RPH3AL: variants seen among roughly 807,000 people sequenced by gnomAD.
The protein encoded by RPH3AL is rabphilin 3A like (without C2 domains).
RPH3AL carries 38 observed loss-of-function variants against 43.1 expected under a neutral mutation model. That is an observed-to-expected ratio of 0.88 (90% CI 0.68 to 1.15). The LOEUF is 1.15. Ranked by LOEUF, RPH3AL falls within the 50% of genes most tolerant of loss-of-function variation. RPH3AL has a pLI of 0.00. For missense variants in RPH3AL, 462 were observed against 423.2 expected (o/e 1.09, Z -0.81); for synonymous variants, 189 against 176.3 (o/e 1.07, Z -0.57).
In RPH3AL at chr17:344,522, TATC is replaced by T. The variant is rs1470370743; in HGVS notation, c.-213+8187_-213+8189del. On this transcript the variant is annotated intron_variant, in intron 1 of 9. Transcript: ENST00000331302. ...TCTGTGTCACCACCACCATCATCACTATCATCATCACCATCATCATGATCACCA... is the reference window on the plus strand; with the variant it reads ...TCTGTGTCACCACCACCATCATCACTATCATCACCATCATCATGATCACCA... Among the ~76,000 whole-genome samples the T allele has an allele frequency of 8.5e-5, 11 of 130,046 alleles. 1 individual carries two copies. The highest frequency in any genetic ancestry group is 5.1e-4 in the East Asian group (2 of 3,890). The allele number at this position is 130,046 out of a possible 152,430, so 85.3% of individuals were successfully genotyped here. A position where few individuals can be genotyped will look rare whatever the true frequency, so the allele number is the denominator to read the frequency against.
At chr17:272,508 G>A (rs1287988457) in intron 6 of RPH3AL, among the ~76,000 whole-genome samples, 10 of 148,398 alleles carry the variant, frequency 6.7e-5, no homozygotes, top group African/African-American at 9.9e-5. Context: ...CGCAAGGACA[G>A]AAAACCAAAC....
chr17:216,661 A>G (rs970534331), intron 8 of RPH3AL, among the ~76,000 whole-genome samples: 1 of 152,042 alleles, frequency 6.6e-6, no homozygotes, highest in Non-Finnish European at 1.5e-5. Flanking sequence ...AGTTTCCTTT[A>G]TACTCTTCTA....
rs2044400084 is a variant in RPH3AL, at chr17:319,524, T to C, written c.247A>G (p.Met83Val). 1.9e-6 allele frequency: 3 copies of C among 1,611,796 alleles called. No homozygotes were observed. The highest frequency in any genetic ancestry group is 1.7e-5 in the Admixed American group (1 of 59,988). The change falls in exon 5 of 10, where the codon ATG becomes GTG. Residue 83 changes from methionine (M) to valine (V), a missense_variant. Transcript: ENST00000331302. ...CCGTTCCCCATCACATTCCGCCTCA[T>C]GGTCTCCAGCCGCTCCACCAGCCGC... ...IGRLVERLET[M>V]RRNVMGNGLS...
chr17:262,828 G>A (rs2042232544), intron 6 of RPH3AL, among the ~76,000 whole-genome samples: 1 of 152,142 alleles, frequency 6.6e-6, no homozygotes, highest in Non-Finnish European at 1.5e-5. Context: ...CAGCCCCTAT[G>A]CCACAAAGCC....
intron 5 of RPH3AL, among the ~76,000 whole-genome samples, chr17:313,729 C>T (rs537784001): frequency 1.3e-5 from 2 of 152,284 alleles, no homozygotes; most frequent in South Asian, 2.1e-4. Context: ...TCGTTCACGG[C>T]GTCGGCAGGA....
At chr17:343,471 G>C (rs1470685152) in intron 1 of RPH3AL, among the ~76,000 whole-genome samples, 1 of 152,224 alleles carries the variant, frequency 6.6e-6, no homozygotes, top group Admixed American at 6.5e-5. Context: ...AGGTGACAAA[G>C]GGCAGTGGTT....
intron 6 of RPH3AL, among the ~76,000 whole-genome samples, chr17:251,751 G>T (rs1280004651): frequency 6.6e-6 from 1 of 152,216 alleles, no homozygotes; most frequent in Non-Finnish European, 1.5e-5. Flanking sequence ...GGGCCATGGG[G>T]TGCCAGCCAA....
Position 247,102 on chromosome 17 carries a change from G to A in RPH3AL, c.613+9C>T. ...AGGCCATCCTGGGAGAGAGGCAGAG[G>A]GGACTTACCTCTTCCTCGGGCCCAC... On this transcript the variant is annotated intron_variant, in intron 7 of 9. Transcript: ENST00000331302. 1 of 1,614,104 alleles carries A rather than the reference G, an allele frequency of 6.2e-7. No individual in the cohort carries two copies. The highest frequency in any genetic ancestry group is 8.5e-7 in the Non-Finnish European group (1 of 1,179,994).
In RPH3AL at chr17:344,335, G is replaced by A. The variant is rs1040916040; in HGVS notation, c.-213+8377C>T. On this transcript the variant is annotated intron_variant, in intron 1 of 9. Coordinates refer to ENST00000331302, the MANE Select transcript of RPH3AL (RefSeq NM_006987.4). ...TATAATCATCACCATCACCATCACC[G>A]TCATCATTATTACCATCATCATCAC... is the stretch of plus-strand genomic sequence containing the variant. 2.6e-4 allele frequency among the ~76,000 whole-genome samples: 31 copies of A among 120,780 alleles called. 5 individuals are homozygous for A. The highest frequency in any genetic ancestry group is 4.0e-4 in the Admixed American group (5 of 12,508). The allele number at this position is 120,780 out of a possible 152,430, so 79.2% of individuals were successfully genotyped here.
At chr17:224,343 G>A (rs1255421782) in intron 7 of RPH3AL, among the ~76,000 whole-genome samples, 4 of 152,200 alleles carry the variant, frequency 2.6e-5, no homozygotes, top group Admixed American at 6.5e-5. Flanking sequence ...CACCCTGGGT[G>A]CCTCCAGCCT....
chr17:231,445 G>GC (rs2041228963), intron 7 of RPH3AL, among the ~76,000 whole-genome samples: 1 of 152,350 alleles, frequency 6.6e-6, no homozygotes, highest in Admixed American at 6.5e-5. Flanking sequence ...AATCAGCTGA[G>GC]CCCCACGTGC....
chr17:321,560 A>ATGGCCCAGGTGGCAACAGAGG lies in RPH3AL; in HGVS notation c.78-146_78-145insCCTCTGTTGCCACCTGGGCCA, dbSNP rs1567521557. 3 of 756,210 alleles carry ATGGCCCAGGTGGCAACAGAGG rather than the reference A, an allele frequency of 4.0e-6. No individual in the cohort carries two copies. The African/African-American group carries it at 7.8e-5, about 20-fold the overall frequency. 46.8% of individuals were successfully genotyped at this position (756,210 alleles called of 1,614,324 possible). ...GGGACGACGAGCGCGGGCAGCAGAG[A>ATGGCCCAGGTGGCAACAGAGG]TGGCCCAGGTGGCAACAGAGATGGC... is the stretch of plus-strand genomic sequence containing the variant. On this transcript the variant is annotated intron_variant, in intron 3 of 9. Coordinates refer to ENST00000331302, the MANE Select transcript of RPH3AL (RefSeq NM_006987.4).
At position 320,186 on chromosome 17, in the gene RPH3AL, GACATT is replaced by G. The variant is rs1440063837; in HGVS notation, c.222-642_222-638del. Among the ~76,000 whole-genome samples the G allele has an allele frequency of 2.3e-3, 126 of 54,970 alleles. 10 individuals carry two copies. Among genetic ancestry groups the G allele is most frequent in the African/African-American group, 9.5e-3 (115 of 12,150 alleles). 36.1% of individuals were successfully genotyped at this position (54,970 alleles called of 152,430 possible). On this transcript the variant is annotated intron_variant, in intron 4 of 9. Coordinates refer to ENST00000331302, the MANE Select transcript of RPH3AL (RefSeq NM_006987.4). ...GACATTGAGGGGAGGGAGGGGGAGG[GACATT>G]GAGGGGAGGGAGGGGGAGGGACATT...
chr17:251,893 G>A (rs2041910214), intron 6 of RPH3AL, among the ~76,000 whole-genome samples: 1 of 152,204 alleles, frequency 6.6e-6, no homozygotes, highest in Admixed American at 6.5e-5. Context: ...AACCATCTGT[G>A]AACGGCGGGG....
Position 225,078 on chromosome 17 carries a change from C to T in RPH3AL, c.614-5342G>A, listed in dbSNP as rs1357367420. ...TGTATACAGATGTAACAAACCTGCA[C>T]GTTATGCACATGTACCCTAGAACTT... On this transcript the variant is annotated intron_variant, in intron 7 of 9. Transcript: ENST00000331302. This position sits in a 1 kb window ranked among gnomAD's most constrained non-coding sequence, Gnocchi z 4.4. Among the ~76,000 whole-genome samples, 2 of 149,296 alleles carry T rather than the reference C, an allele frequency of 1.3e-5. No homozygotes were observed. The highest frequency in any genetic ancestry group is 2.5e-5 in the African/African-American group (1 of 40,302).
At chr17:257,952 A>G (rs142612611) in intron 6 of RPH3AL, among the ~76,000 whole-genome samples, 53 of 92,982 alleles carry the variant, frequency 5.7e-4, no homozygotes, top group African/African-American at 1.4e-3. Context: ...ATCCTTTTCC[A>G]TCCCTAGGAA....
Position 281,872 on chromosome 17 carries a change from T to C in RPH3AL, c.352-18A>G, listed in dbSNP as rs1437777842. The C allele has an allele frequency of 6.2e-7, 1 of 1,606,118 alleles. No individual in the cohort carries two copies. Among genetic ancestry groups the C allele is most frequent in the Non-Finnish European group, 8.5e-7 (1 of 1,172,874 alleles). ...CAGACTTTCTACAAGAGAGAGGACA[T>C]GGGGTTGTAAAGATTGCAGCCGCTT... On this transcript the variant is annotated intron_variant, in intron 5 of 9. Transcript: ENST00000331302.
intron 7 of RPH3AL, among the ~76,000 whole-genome samples, chr17:223,269 A>G (rs1480190097): frequency 6.6e-6 from 1 of 152,126 alleles, no homozygotes; most frequent in Non-Finnish European, 1.5e-5. Flanking sequence ...CTTTCCATCA[A>G]TTCGCATAAC....
At chr17:280,025 TG>T (rs1467411045) in intron 6 of RPH3AL, among the ~76,000 whole-genome samples, 3 of 152,236 alleles carry the variant, frequency 2.0e-5, no homozygotes, top group African/African-American at 7.2e-5. Context: ...CAGCTTTTCC[TG>T]TTCCAAAGAC....
Sources: allele counts gnomAD v4.1 joint callset (sites outside exome capture counted in the v4.1 genomes callset), GRCh38; gene constraint gnomAD v4.1.1; non-coding constraint Gnocchi (gnomAD v3.1); transcripts MANE v1.5; gene names NCBI Gene and HGNC (gene_info 2026-07-23, HGNC 2026-07-21).